The following SGIP1 variants were observed in gnomAD, a reference collection of about 807,000 sequenced individuals.
SGIP1 encodes the protein SH3GL interacting endocytic adaptor 1.
In SGIP1, 38 loss-of-function variants were observed where a neutral mutation model predicts 107.5. The ratio of observed to expected loss-of-function variants is 0.35; its 90% CI spans 0.27 to 0.46. The LOEUF is 0.46. Among genes scored for constraint, SGIP1 ranks in the 20% least tolerant of loss-of-function variants. The probability of loss-of-function intolerance (pLI) is 1.00; values close to 1 mark genes in which losing one functional copy is unlikely to be tolerated. For synonymous variants in SGIP1, 365 were observed against 366.1 expected, an observed-to-expected ratio of 1.00 and a Z score of 0.03; for missense variants, 929 against 1,019.5, an observed-to-expected ratio of 0.91 and a Z score of 1.21.
In SGIP1 at chr1:66,682,102, G is replaced by A; in HGVS notation, c.1048G>A (p.Gly350Ser). 3.7e-6 allele frequency: 6 copies of A among 1,614,148 alleles called. No individual in the cohort carries two copies. Among genetic ancestry groups the A allele is most frequent in the Non-Finnish European group, 5.1e-6 (6 of 1,180,010 alleles). ...CAACCCAGCTGACTCCCCAGCTCCA[G>A]GCCCTCTCGGCCCCCCAGGTCCCAC... ...PDNPADSPAPGPLGPPGPTGP... is the reference protein window; with the variant it reads ...PDNPADSPAPSPLGPPGPTGP... Residue 350 changes from glycine to serine, a missense_variant, in exon 15 of 25, where the codon GGC becomes AGC. By Grantham distance (56) the Gly-to-Ser change is moderately conservative. Around this residue, in one of 2 missense-constraint regions of SGIP1, gnomAD observed 588 missense variants for 588.6 expected, o/e 1.00. Coordinates refer to ENST00000371037, the MANE Select transcript of SGIP1 (RefSeq NM_032291.4).
intron 10 of SGIP1, 113 bp downstream of exon 10, chr1:66,671,132 G>C (rs1463204468): frequency 4.0e-6 from 2 of 496,600 alleles, no homozygotes; most frequent in African/African-American, 3.9e-5. Context: ...TAATTTTTAA[G>C]ACTTACAATT....
At chr1:66,630,255 C>A (rs941882294) in intron 2 of SGIP1, among the ~76,000 whole-genome samples, 1 of 152,180 alleles carries the variant, frequency 6.6e-6, no homozygotes, top group Non-Finnish European at 1.5e-5. Context: ...CATTTAAGAT[C>A]CCCTACTGAT....
intron 21 of SGIP1, among the ~76,000 whole-genome samples, chr1:66,739,109 C>A (rs959209943): frequency 6.6e-6 from 1 of 151,972 alleles, no homozygotes; most frequent in African/African-American, 2.4e-5. Context: ...TTAACTGACA[C>A]GAAGTGTACT....
intron 18 of SGIP1, among the ~76,000 whole-genome samples, chr1:66,716,408 CA>C (rs2093246738): frequency 6.6e-6 from 1 of 152,140 alleles, no homozygotes; most frequent in South Asian, 2.1e-4. Flanking sequence ...ATGATGATGA[CA>C]TTCCCTTTAT....
chr1:66,703,042 T>C (rs976280571), intron 18 of SGIP1, among the ~76,000 whole-genome samples: 3 of 152,152 alleles, frequency 2.0e-5, no homozygotes, highest in Non-Finnish European at 4.4e-5. Flanking sequence ...AAGCATAAGT[T>C]AAATAGTTCC....
At position 66,743,588 on chromosome 1, in the gene SGIP1, T is replaced by A. The variant is rs2094514871; in HGVS notation, c.*493T>A. ...AGAAGAAAAAGAAACAAACTTACTT[T>A]TCTTCAATGCTTAGTATGTTTTACT... On this transcript the variant is annotated 3_prime_UTR_variant, in exon 25 of 25. Coordinates refer to ENST00000371037, the MANE Select transcript of SGIP1 (RefSeq NM_032291.4). 1 of 153,068 alleles carries A rather than the reference T, an allele frequency of 6.5e-6. No homozygotes were observed. The highest frequency in any genetic ancestry group is 1.5e-5 in the Non-Finnish European group (1 of 68,450). The allele number at this position is 153,068 out of a possible 1,614,324, so 9.5% of individuals were successfully genotyped here. A position where few individuals can be genotyped will look rare whatever the true frequency, so the allele number is the denominator to read the frequency against.
At chr1:66,593,123 G>A (rs1030051895) in intron 1 of SGIP1, among the ~76,000 whole-genome samples, 1 of 151,600 alleles carries the variant, frequency 6.6e-6, no homozygotes, top group Non-Finnish European at 1.5e-5. Context: ...TGGCTTGATA[G>A]CTCATTTCTT....
At chr1:66,570,149 T>C (rs2060184578) in intron 1 of SGIP1, among the ~76,000 whole-genome samples, 1 of 151,908 alleles carries the variant, frequency 6.6e-6, no homozygotes, top group South Asian at 2.1e-4. Flanking sequence ...TTATAGGTTT[T>C]ATTGATCTTT....
In SGIP1 at chr1:66,740,641, A is replaced by C; in HGVS notation, c.2235-17A>C. On this transcript the variant is annotated splice_polypyrimidine_tract_variant and intron_variant, in intron 22 of 24. Coordinates refer to ENST00000371037, the MANE Select transcript of SGIP1 (RefSeq NM_032291.4). ...ACTCTTGGATATGCAAAAACCTTTT[A>C]CCTAATTTATTTTTAGGAATGCTGA... 1 of 1,568,284 alleles carries C rather than the reference A, an allele frequency of 6.4e-7. No homozygotes were observed. Among genetic ancestry groups the C allele is most frequent in the Non-Finnish European group, 8.7e-7 (1 of 1,143,940 alleles).
intron 1 of SGIP1, among the ~76,000 whole-genome samples, chr1:66,573,822 A>G (rs2060707534): frequency 6.6e-6 from 1 of 152,090 alleles, no homozygotes; most frequent in Non-Finnish European, 1.5e-5. Context: ...CTTAATACCC[A>G]GGTGATGAAA....
At chr1:66,633,233 C>A (rs953734423) in intron 3 of SGIP1, 139 bp downstream of exon 3, 4 of 662,794 alleles carry the variant, frequency 6.0e-6, no homozygotes, top group Non-Finnish European at 1.1e-5. Context: ...TTGGAATTTT[C>A]TATATTAATT....
intron 1 of SGIP1, among the ~76,000 whole-genome samples, chr1:66,562,993 TACTC>T (rs763847089): frequency 2.0e-5 from 3 of 151,994 alleles, no homozygotes; most frequent in Non-Finnish European, 4.4e-5. Flanking sequence ...TAAAATCTAT[TACTC>T]ACACTCTCTT....
At chr1:66,708,066 T>C (rs1323948822) in intron 18 of SGIP1, among the ~76,000 whole-genome samples, 2 of 152,118 alleles carry the variant, frequency 1.3e-5, no homozygotes, top group Admixed American at 6.6e-5. Context: ...TCCTAGGATG[T>C]AGGGGCAAAC....
At chr1:66,536,362 A>G (rs973501927) in intron 1 of SGIP1, among the ~76,000 whole-genome samples, 10 of 152,220 alleles carry the variant, frequency 6.6e-5, no homozygotes, top group African/African-American at 2.4e-4. Context: ...ATTTCTACCC[A>G]TAGCTCCTAC....
chr1:66,557,957 G>T (rs145116753), intron 1 of SGIP1, among the ~76,000 whole-genome samples: 54 of 152,240 alleles, frequency 3.5e-4, no homozygotes, highest in African/African-American at 1.2e-3. Flanking sequence ...TTGCATGTCA[G>T]TTTGCCTGCT....
chr1:66,561,136 C>T (rs549279951), intron 1 of SGIP1, among the ~76,000 whole-genome samples: 14 of 152,202 alleles, frequency 9.2e-5, no homozygotes, highest in African/African-American at 3.4e-4. Context: ...GGCTACCCAA[C>T]AGGCATTGTC....
intron 2 of SGIP1, among the ~76,000 whole-genome samples, chr1:66,629,363 T>A (rs2073723382): frequency 6.6e-6 from 1 of 152,226 alleles, no homozygotes; most frequent in Non-Finnish European, 1.5e-5. Flanking sequence ...GATATCTTTT[T>A]TAGTCTTCCT....
In SGIP1 at chr1:66,660,438, C is replaced by T. The variant is rs374454175; in HGVS notation, c.460-75C>T. ...TAAGTAAGGTTATCCTGAACCTTGA[C>T]CTGTTTCTTCTTGAAAATACATTTC... On this transcript the variant is annotated intron_variant, in intron 7 of 24. Coordinates refer to ENST00000371037, the MANE Select transcript of SGIP1 (RefSeq NM_032291.4). 3.4e-4 allele frequency: 480 copies of T among 1,399,736 alleles called. 1 individual carries two copies. In the African/African-American group the frequency reaches 6.2e-3, roughly 18 times the overall value. 86.7% of individuals were successfully genotyped at this position (1,399,736 alleles called of 1,614,324 possible).
At chr1:66,665,347 A>T (rs558156035) in intron 8 of SGIP1, among the ~76,000 whole-genome samples, 1 of 152,310 alleles carries the variant, frequency 6.6e-6, no homozygotes, top group African/African-American at 2.4e-5. Flanking sequence ...TATATGTGCC[A>T]CACTTTCTTA....
Sources: gnomAD v4.1 joint callset for allele counts (sites outside exome capture counted in the v4.1 genomes callset) on GRCh38, gnomAD v4.1.1 for gene constraint, gnomAD v4.1.1 regional missense constraint, MANE v1.5 for transcripts, NCBI Gene and HGNC (gene_info 2026-07-23, HGNC 2026-07-21) for gene names.